Variants in ALDH7A1 observed in about 807,000 individuals in gnomAD.
ALDH7A1 encodes aldehyde dehydrogenase 7 family member A1, also known as alpha-aminoadipic semialdehyde dehydrogenase.
ALDH7A1 carries 63 observed loss-of-function variants against 79.9 expected under a neutral mutation model. That is an observed-to-expected ratio of 0.79 (90% CI 0.64 to 0.97). The LOEUF (loss-of-function observed/expected upper bound fraction) is 0.97, where lower values mean the gene tolerates loss of function less well. ALDH7A1 is among the 50% of genes least tolerant of loss of function. The pLI is 0.00. For missense variants in ALDH7A1, 627 were observed against 665.2 expected (o/e 0.94, Z 0.63); for synonymous variants, 240 against 231.2 (o/e 1.04, Z -0.34).
In ALDH7A1 at chr5:126,570,835, G is replaced by A. The variant is rs757704473; in HGVS notation, c.720C>T (p.Asp240=). 3.0e-5 allele frequency: 48 copies of A among 1,613,958 alleles called. 1 individual carries two copies. The highest frequency in any genetic ancestry group is 1.2e-4 in the South Asian group (11 of 91,082). ...VTKIIAKVLE[D]NKLPGAICSL... ...AACAAATTGCACCAGGCAGCTTGTT[G>A]TCCTCCAGAACCTTGGCTATTATCC... is the stretch of plus-strand genomic sequence containing the variant. Residue 240 remains aspartate (D), a synonymous_variant, in exon 8 of 18, where the codon GAC becomes GAT. Transcript: ENST00000409134.
intron 6 of ALDH7A1, 149 bp downstream of exon 6, chr5:126,576,930 A>AAAAAT (rs1283869985): frequency 4.5e-6 from 5 of 1,110,578 alleles, no homozygotes; most frequent in East Asian, 5.2e-5. Context: ...TCCATCTCAA[A>AAAAAT]AAAATAAAAT....
intron 8 of ALDH7A1, chr5:126,568,876 G>A (rs1445484134): frequency 6.1e-6 from 1 of 163,044 alleles, no homozygotes; most frequent in African/African-American, 2.4e-5. Context: ...CTGAGGTCAA[G>A]CCACTGCACT....
chr5:126,562,909 C>A (rs1260012559), intron 9 of ALDH7A1, among the ~76,000 whole-genome samples: 3 of 152,114 alleles, frequency 2.0e-5, no homozygotes, highest in Admixed American at 6.6e-5. Context: ...ATACTTATAA[C>A]CCCACTCAAA....
intron 16 of ALDH7A1, among the ~76,000 whole-genome samples, chr5:126,547,755 A>C (rs1426800334): frequency 6.6e-6 from 1 of 152,150 alleles, no homozygotes; most frequent in Non-Finnish European, 1.5e-5. Context: ...TTTTTCTTTT[A>C]GTAAAAAGAA....
chr5:126,580,815 C>T (rs925094128), intron 5 of ALDH7A1, among the ~76,000 whole-genome samples: 4 of 151,406 alleles, frequency 2.6e-5, no homozygotes, highest in African/African-American at 7.3e-5. Context: ...ATTGCTTACA[C>T]TCTTAACCTC....
At chr5:126,589,851 T>C (rs999740910) in intron 3 of ALDH7A1, among the ~76,000 whole-genome samples, 1 of 148,964 alleles carries the variant, frequency 6.7e-6, no homozygotes, top group African/African-American at 2.5e-5. Context: ...CCGCCCCATC[T>C]GGGAAGTAAG....
At chr5:126,586,722 T>G (rs752104728) in intron 3 of ALDH7A1, 2 of 152,198 alleles carry the variant, frequency 1.3e-5, no homozygotes, top group Non-Finnish European at 2.9e-5. Flanking sequence ...GTAGGCAAAG[T>G]GGAGGAAAAG....
In ALDH7A1 at chr5:126,554,327, T is replaced by C; in HGVS notation, c.1160A>G (p.Glu387Gly). ...AVSMFLGAVE[E>G]AKKEGGTVVY... ...CACTGTGCCACCTTCTTTCTTTGCT[T>C]CTTCCACTGCTCCAAGAAACATGCT... The change falls in exon 13 of 18, where the codon GAA becomes GGA. Residue 387 changes from glutamate to glycine, a missense_variant. Transcript: ENST00000409134. 1 of 1,614,130 alleles carries C rather than the reference T, an allele frequency of 6.2e-7. No individual in the cohort carries two copies. The highest frequency in any genetic ancestry group is 1.7e-5 in the Admixed American group (1 of 60,016).
intron 9 of ALDH7A1, 22 bp downstream of exon 9, chr5:126,568,237 T>C (rs761300704): frequency 2.5e-6 from 4 of 1,611,318 alleles, no homozygotes; most frequent in Non-Finnish European, 3.4e-6. Flanking sequence ...ATTAAAATCC[T>C]CATTAGAAAG....
intron 13 of ALDH7A1, 101 bp from the exon 14 acceptor site, chr5:126,552,238 T>A: frequency 1.2e-6 from 1 of 804,162 alleles, no homozygotes; most frequent in Non-Finnish European, 2.1e-6. Context: ...AGAAAAAAAT[T>A]AGCATCATTT....
chr5:126,552,050 CAA>C lies in ALDH7A1; in HGVS notation c.1286_1287del (p.Phe429CysfsTer8), dbSNP rs1363596460. 1 of 1,613,750 alleles carries C rather than the reference CAA, an allele frequency of 6.2e-7. No homozygotes were observed. The highest frequency in any genetic ancestry group is 1.7e-5 in the Admixed American group (1 of 60,010). ...HDASIAHTET[F>X]APILYVFKFK... The stretch of plus-strand genomic sequence containing the variant: ...AATTTAAAGACATAGAGAATCGGAG[CAA>C]AAGTCTCTGTGTGTGCAATGGACGC... On this transcript the variant is annotated frameshift_variant, in exon 14 of 18. Coordinates refer to ENST00000409134, the MANE Select transcript of ALDH7A1 (RefSeq NM_001182.5). LOFTEE classifies it high-confidence loss of function.
At chr5:126,568,992 C>T (rs35960414) in intron 8 of ALDH7A1, 49,728 of 153,630 alleles carry the variant, frequency 0.32, 12,509 homozygotes, top group African/African-American at 0.71. Context: ...TATCCTAAAG[C>T]AGGGGTCCCC....
chr5:126,559,947 T>C (rs1166985324), intron 10 of ALDH7A1, among the ~76,000 whole-genome samples: 2 of 144,632 alleles, frequency 1.4e-5, no homozygotes, highest in African/African-American at 5.1e-5. Flanking sequence ...GGGTTTTTTG[T>C]TTGTTCTTTT....
At chr5:126,550,703 A>G (rs1275361446) in intron 14 of ALDH7A1, among the ~76,000 whole-genome samples, 1 of 152,250 alleles carries the variant, frequency 6.6e-6, no homozygotes, top group Non-Finnish European at 1.5e-5. Flanking sequence ...AATTTGCTCA[A>G]GAGCTCACAC....
intron 8 of ALDH7A1, chr5:126,569,876 C>T (rs567093465): frequency 6.0e-4 from 92 of 152,210 alleles, no homozygotes; most frequent in African/African-American, 2.2e-3. Context: ...TGTTGGAAGG[C>T]AAGGAAACTA....
chr5:126,559,134 A>T, intron 11 of ALDH7A1, 106 bp downstream of exon 11: 1 of 896,212 alleles, frequency 1.1e-6, no homozygotes, highest in Non-Finnish European at 1.8e-6. Flanking sequence ...CCACATCTAG[A>T]GAGCATGTTG....
chr5:126,545,689 G>A (rs2112745111), intron 17 of ALDH7A1, among the ~76,000 whole-genome samples: 1 of 151,344 alleles, frequency 6.6e-6, no homozygotes, highest in Non-Finnish European at 1.5e-5. Flanking sequence ...GGGAGGCTGA[G>A]GCAGGAGAAT....
chr5:126,550,316 C>T (rs370460554), intron 14 of ALDH7A1, 23 bp from the exon 15 acceptor site: 10 of 1,552,124 alleles, frequency 6.4e-6, no homozygotes, highest in Non-Finnish European at 8.9e-7. Flanking sequence ...ACATTGGAAG[C>T]TGTAAGATGT....
At chr5:126,589,666 G>A (rs1421779744) in intron 3 of ALDH7A1, among the ~76,000 whole-genome samples, 1 of 152,038 alleles carries the variant, frequency 6.6e-6, no homozygotes, top group Non-Finnish European at 1.5e-5. Flanking sequence ...GAAGTGAGGA[G>A]CGCCCTGCCC....
Sources: allele counts gnomAD v4.1 joint callset (sites outside exome capture counted in the v4.1 genomes callset), GRCh38; gene constraint gnomAD v4.1.1; transcripts MANE v1.5; gene names NCBI Gene and HGNC (gene_info 2026-07-23, HGNC 2026-07-21).